HDHD5: variants seen among roughly 807,000 people sequenced by gnomAD.
HDHD5 encodes the protein haloacid dehalogenase-like hydrolase domain-containing 5.
Under a neutral mutation model 35.5 loss-of-function variants are expected in HDHD5, and 34 were observed. The observed-to-expected ratio is 0.96, with a 90% CI of 0.73 to 1.28. The LOEUF is 1.28. Ranked by LOEUF, HDHD5 falls within the 50% of genes most tolerant of loss-of-function variation. The pLI is 0.00. For synonymous variants in HDHD5, 248 were observed against 240.6 expected, an observed-to-expected ratio of 1.03 and a Z score of -0.29; for missense variants, 589 against 560.2, an observed-to-expected ratio of 1.05 and a Z score of -0.52.
At chr22:17,159,362 C>A, upstream of HDHD5, 1 of 1,198,086 alleles carries the variant, frequency 8.3e-7, no homozygotes, top group South Asian at 1.3e-5. Context: ...GAGTTGTAGT[C>A]CTGTAAGCGC....
rs1403207757 is a variant in HDHD5, at chr22:17,137,782, C to T, written c.*239G>A. 3.9e-6 allele frequency: 2 copies of T among 513,006 alleles called. No individual in the cohort carries two copies. Among genetic ancestry groups the T allele is most frequent in the South Asian group, 2.5e-5 (1 of 39,416 alleles). 31.8% of individuals were successfully genotyped at this position (513,006 alleles called of 1,614,324 possible). A position where few individuals can be genotyped will look rare whatever the true frequency, so the allele number is the denominator to read the frequency against. ...AGAATGGCCTGAGGTTAGACTGCCA[C>T]GAAAGGCACGTGGGAACTGGGCCCA... On this transcript the variant is annotated 3_prime_UTR_variant, in exon 8 of 8. Transcript: ENST00000336737.
chr22:17,143,154 C>T (rs745480881), intron 4 of HDHD5, 23 bp from the exon 5 acceptor site: 6 of 1,604,976 alleles, frequency 3.7e-6, no homozygotes, highest in Non-Finnish European at 5.1e-6. Context: ...AAAGGAGAGG[C>T]TATCAACACA....
At chr22:17,140,941 A>G in intron 6 of HDHD5, 118 bp downstream of exon 6, 2 of 878,222 alleles carry the variant, frequency 2.3e-6, no homozygotes, top group Non-Finnish European at 3.4e-6. Flanking sequence ...AACAGGGCCT[A>G]CCTAAGTGAG....
At chr22:17,140,361 C>T (rs1274973945) in intron 6 of HDHD5, among the ~76,000 whole-genome samples, 1 of 152,202 alleles carries the variant, frequency 6.6e-6, no homozygotes, top group African/African-American at 2.4e-5. Flanking sequence ...GGAGTATAGG[C>T]ACCTGCATGC....
chr22:17,153,303 A>AAAAAG (rs1216365017), intron 1 of HDHD5, among the ~76,000 whole-genome samples: 2 of 152,220 alleles, frequency 1.3e-5, no homozygotes, highest in Non-Finnish European at 2.9e-5. Context: ...ATAAGGCATC[A>AAAAAG]ACCTCAAAAA....
rs888881292 is a variant in HDHD5, at chr22:17,137,787, G to A, written c.*234C>T. 9 of 524,432 alleles carry A rather than the reference G, an allele frequency of 1.7e-5. No homozygotes were observed. Among genetic ancestry groups the A allele is most frequent in the African/African-American group, 1.5e-4 (8 of 52,576 alleles). The allele number at this position is 524,432 out of a possible 1,614,324, so 32.5% of individuals were successfully genotyped here. A position where few individuals can be genotyped will look rare whatever the true frequency, so the allele number is the denominator to read the frequency against. On this transcript the variant is annotated 3_prime_UTR_variant, in exon 8 of 8. Coordinates refer to ENST00000336737, the MANE Select transcript of HDHD5 (RefSeq NM_033070.3). ...GGCCTGAGGTTAGACTGCCACGAAAGGCACGTGGGAACTGGGCCCAGAAAA... is the reference window on the plus strand; with the variant it reads ...GGCCTGAGGTTAGACTGCCACGAAAAGCACGTGGGAACTGGGCCCAGAAAA...
chr22:17,154,791 ATT>A (rs57909191), intron 1 of HDHD5, among the ~76,000 whole-genome samples: 292 of 143,754 alleles, frequency 2.0e-3, no homozygotes, highest in Middle Eastern at 7.0e-3. Context: ...TGCCTGGCTA[ATT>A]TTTTTTTTTT....
intron 1 of HDHD5, among the ~76,000 whole-genome samples, chr22:17,157,563 A>C (rs1198872957): frequency 6.6e-6 from 1 of 152,252 alleles, no homozygotes; most frequent in African/African-American, 2.4e-5. Context: ...CTACCGGAAG[A>C]GTCACTTGGA....
intron 6 of HDHD5, among the ~76,000 whole-genome samples, chr22:17,140,477 T>C (rs941558789): frequency 1.3e-5 from 2 of 152,010 alleles, no homozygotes; most frequent in Admixed American, 6.6e-5. Flanking sequence ...CCCGGCACTT[T>C]TGGAGGCTGA....
upstream of HDHD5, chr22:17,159,536 G>C (rs1233204084): frequency 6.6e-6 from 3 of 456,218 alleles, no homozygotes; most frequent in Non-Finnish European, 1.3e-5. Context: ...CTATCGCCCT[G>C]TGCCTGCGGA....
At position 17,148,549 on chromosome 22, in the gene HDHD5, G is replaced by C; in HGVS notation, c.342C>G (p.Asp114Glu). The C allele has an allele frequency of 6.2e-7, 1 of 1,613,956 alleles. No individual in the cohort carries two copies. Among genetic ancestry groups the C allele is most frequent in the Non-Finnish European group, 8.5e-7 (1 of 1,179,836 alleles). ...TGGGGCTGTGAGAGAGGATAACTTG[G>C]TCTGCATCCACCTGTAGGGACAGCC... ...SALLGCEVDA[D>E]QVILSHSPMK... The change falls in exon 3 of 8, where the codon GAC becomes GAG. Residue 114 changes from aspartate (D) to glutamate (E), a missense_variant. Coordinates refer to ENST00000336737, the MANE Select transcript of HDHD5 (RefSeq NM_033070.3).
chr22:17,151,605 C>T (rs2061725350), intron 1 of HDHD5, among the ~76,000 whole-genome samples: 1 of 152,012 alleles, frequency 6.6e-6, no homozygotes, highest in Non-Finnish European at 1.5e-5. Flanking sequence ...TGGTGGGCGC[C>T]TGTCATCCCA....
Position 17,145,037 on chromosome 22 carries a change from C to T in HDHD5, c.524G>A (p.Arg175Gln), listed in dbSNP as rs776965135. ...PLLDMVDLER[R>Q]LKTTPLPRND... Reference sequence around the variant, plus strand: ...GCTCCTTATTACCGTGGTCTTTAGCCGCCGCTCCAGGTCCACCATGTCAAG... The same window carrying T: ...GCTCCTTATTACCGTGGTCTTTAGCTGCCGCTCCAGGTCCACCATGTCAAG... Residue 175 changes from arginine to glutamine, a missense_variant, in exon 4 of 8, where the codon CGG (arginine) becomes CAG (glutamine). By Grantham distance (43) the Arg-to-Gln change is conservative (BLOSUM62 1). Coordinates refer to ENST00000336737, the MANE Select transcript of HDHD5 (RefSeq NM_033070.3). 19 of 1,613,842 alleles carry T rather than the reference C, an allele frequency of 1.2e-5. No homozygotes were observed. Among genetic ancestry groups the T allele is most frequent in the Non-Finnish European group, 1.5e-5 (18 of 1,179,980 alleles).
chr22:17,154,184 GTTTC>G (rs1162440880), intron 1 of HDHD5, among the ~76,000 whole-genome samples: 1 of 148,832 alleles, frequency 6.7e-6, no homozygotes, highest in East Asian at 2.1e-4. Context: ...AAGAAACAGT[GTTTC>G]TTTAAGAAAC....
rs551522989 is a variant in HDHD5, at chr22:17,149,162, C to T, written c.330+380G>A. Reference sequence around the variant, plus strand: ...AATTCACCCTCAACAAACAAGAATGCATCAAAGTTGGGATATGGTGCAGGG... The same window carrying T: ...AATTCACCCTCAACAAACAAGAATGTATCAAAGTTGGGATATGGTGCAGGG... On this transcript the variant is annotated intron_variant, in intron 2 of 7. Coordinates refer to ENST00000336737, the MANE Select transcript of HDHD5 (RefSeq NM_033070.3). Among the ~76,000 whole-genome samples the T allele has an allele frequency of 6.0e-4, 91 of 152,270 alleles. 1 individual carries two copies. Among genetic ancestry groups the T allele is most frequent in the Non-Finnish European group, 1.2e-4 (8 of 68,018 alleles).
upstream of HDHD5, among the ~76,000 whole-genome samples, chr22:17,160,642 C>G (rs1326547537): frequency 7.8e-6 from 1 of 128,464 alleles, no homozygotes; most frequent in African/African-American, 2.9e-5. Flanking sequence ...GAGTGAGACT[C>G]CGTCTTGAAA....
At chr22:17,148,661 C>G (rs200406454) in intron 2 of HDHD5, 101 bp from the exon 3 acceptor site, 2 of 732,268 alleles carry the variant, frequency 2.7e-6, no homozygotes, top group East Asian at 5.5e-5. Flanking sequence ...AAGGAAAAAA[C>G]CCGCTCAGAA....
rs1404028087 is a variant in HDHD5, at chr22:17,143,097, C to T, written c.571+1G>A. On this transcript the variant is annotated splice_donor_variant, in intron 5 of 7. Transcript: ENST00000336737. LOFTEE classifies it high-confidence loss of function. Reference sequence around the variant, plus strand: ...AACTCATCAAAGAGGACCTCTCTTACCTTCAATGCGGGGGAAGTCATTCCT... The same window carrying T: ...AACTCATCAAAGAGGACCTCTCTTATCTTCAATGCGGGGGAAGTCATTCCT... 9 of 1,610,176 alleles carry T rather than the reference C, an allele frequency of 5.6e-6. No individual in the cohort carries two copies. Among genetic ancestry groups the T allele is most frequent in the Non-Finnish European group, 7.6e-6 (9 of 1,178,430 alleles).
upstream of HDHD5, chr22:17,159,520 T>A (rs755383421): frequency 4.5e-6 from 2 of 443,244 alleles, no homozygotes; most frequent in Admixed American, 2.5e-5. Flanking sequence ...GGCGGCGGCG[T>A]CCGTACTATC....
Sources: allele counts gnomAD v4.1 joint callset (sites outside exome capture counted in the v4.1 genomes callset), GRCh38; gene constraint gnomAD v4.1.1; transcripts MANE v1.5; gene names NCBI Gene and HGNC (gene_info 2026-07-23, HGNC 2026-07-21).